Variants in TAF11 observed in about 807,000 individuals in gnomAD.
TAF11 encodes transcription initiation factor TFIID subunit 11.
Under a neutral mutation model 23.0 loss-of-function variants are expected in TAF11, and 10 were observed. The observed-to-expected ratio is 0.43, with a 90% CI of 0.27 to 0.74. The LOEUF (loss-of-function observed/expected upper bound fraction) is 0.74, where lower values mean the gene tolerates loss of function less well. Ranked by LOEUF, TAF11 falls within the 30% of genes least tolerant of loss-of-function variation. The pLI is 0.19. For synonymous variants in TAF11, 85 were observed against 95.8 expected (o/e 0.89, Z 0.66); for missense variants, 196 against 261.7 (o/e 0.75, Z 1.73).
At chr6:34,881,316 A>C (rs1035879471) in intron 2 of TAF11, among the ~76,000 whole-genome samples, 4 of 152,238 alleles carry the variant, frequency 2.6e-5, no homozygotes, top group African/African-American at 7.2e-5. Flanking sequence ...TTAGCTATAC[A>C]TATCAAACAT....
intron 2 of TAF11, 144 bp downstream of exon 2, chr6:34,882,788 A>G (rs1227344286): frequency 9.8e-7 from 1 of 1,023,124 alleles, no homozygotes; most frequent in African/African-American, 1.7e-5. Flanking sequence ...TACAGGCGTG[A>G]GCCACCATGC....
At position 34,880,410 on chromosome 6, in the gene TAF11, T is replaced by C. The variant is rs774922441; in HGVS notation, c.321-34A>G. The C allele has an allele frequency of 1.3e-5, 20 of 1,581,542 alleles. No individual in the cohort carries two copies. The South Asian group carries it at 1.9e-4, about 15-fold the overall frequency. On this transcript the variant is annotated intron_variant, in intron 2 of 4. Coordinates refer to ENST00000361288, the MANE Select transcript of TAF11 (RefSeq NM_005643.4). The surrounding 1 kb of genome is among the most constrained non-coding windows in gnomAD (Gnocchi z 4.8). ...AGATCCAGGTAACTAAGTTAACTTA[T>C]AAGAACGAATACTCAAGATATTATG...
At chr6:34,881,933 A>T (rs1211181138) in intron 2 of TAF11, among the ~76,000 whole-genome samples, 1 of 151,178 alleles carries the variant, frequency 6.6e-6, no homozygotes, top group Non-Finnish European at 1.5e-5. Flanking sequence ...CCTGACCTCA[A>T]GTGATCCACC....
At chr6:34,882,203 T>C (rs1228720450) in intron 2 of TAF11, among the ~76,000 whole-genome samples, 1 of 148,766 alleles carries the variant, frequency 6.7e-6, no homozygotes, top group East Asian at 2.0e-4. Context: ...CCAGGCATGG[T>C]GGCAGGAGCC....
intron 1 of TAF11, among the ~76,000 whole-genome samples, chr6:34,886,529 G>C (rs1766531111): frequency 6.6e-6 from 1 of 150,720 alleles, no homozygotes; most frequent in African/African-American, 2.4e-5. Flanking sequence ...GCAGTGGTGC[G>C]ATCTCGGCTC....
intron 1 of TAF11, among the ~76,000 whole-genome samples, chr6:34,885,442 A>C (rs1231609068): frequency 1.3e-5 from 2 of 152,106 alleles, no homozygotes; most frequent in Non-Finnish European, 2.9e-5. Flanking sequence ...GTGGGGGAGA[A>C]GCTTTTTGTA....
In TAF11 at chr6:34,878,450, C is replaced by G; in HGVS notation, c.*140G>C. 1 of 664,750 alleles carries G rather than the reference C, an allele frequency of 1.5e-6. No individual in the cohort carries two copies. The highest frequency in any genetic ancestry group is 2.7e-6 in the Non-Finnish European group (1 of 371,248). The allele number at this position is 664,750 out of a possible 1,614,324, so 41.2% of individuals were successfully genotyped here. ...CATACTTTCTAGGTGTGACAAATAT[C>G]AGAGTTTTGAGAAAGACATTAAAAT... On this transcript the variant is annotated 3_prime_UTR_variant, in exon 5 of 5. Transcript: ENST00000361288.
At chr6:34,882,725 C>G (rs758390433) in intron 2 of TAF11, among the ~76,000 whole-genome samples, 2 of 151,998 alleles carry the variant, frequency 1.3e-5, no homozygotes, top group Admixed American at 6.6e-5. Flanking sequence ...AGGCTGGTCT[C>G]AAACTTAGGC....
At chr6:34,882,603 C>T (rs1033292886) in intron 2 of TAF11, among the ~76,000 whole-genome samples, 3 of 151,848 alleles carry the variant, frequency 2.0e-5, no homozygotes, top group African/African-American at 7.3e-5. Context: ...GAGATCACAC[C>T]ATTGCACTCC....
At chr6:34,878,794 T>C in intron 4 of TAF11, 74 bp from the exon 5 acceptor site, 2 of 1,311,288 alleles carry the variant, frequency 1.5e-6, no homozygotes, top group South Asian at 2.5e-5. Context: ...TTGAGTCCTG[T>C]AATTCTTGTT....
intron 1 of TAF11, among the ~76,000 whole-genome samples, chr6:34,886,234 G>A (rs1766522319): frequency 1.3e-5 from 2 of 151,874 alleles, no homozygotes; most frequent in Non-Finnish European, 2.9e-5. Flanking sequence ...GAGCCCAGGA[G>A]GCAGAGACTG....
rs764685922 is a variant in TAF11 at position 34,880,255 on chromosome 6, G to C, written c.408+34C>G. 1 of 1,607,740 alleles carries C rather than the reference G, an allele frequency of 6.2e-7. No individual in the cohort carries two copies. Among genetic ancestry groups the C allele is most frequent in the Admixed American group, 1.7e-5 (1 of 59,828 alleles). ...TGGCTCTTGAGTTCAGTTCTAAAAC[G>C]TGATGGAGATGAAGTGTGGTGGTCC... On this transcript the variant is annotated intron_variant, in intron 3 of 4. Coordinates refer to ENST00000361288, the MANE Select transcript of TAF11 (RefSeq NM_005643.4). The surrounding 1 kb of genome is among the most constrained non-coding windows in gnomAD (Gnocchi z 4.8).
rs1766328518 is a variant in TAF11 at position 34,877,591 on chromosome 6, G to GGA, written c.*998_*999insTC. 6.6e-6 allele frequency: 1 copy of GGA among 152,278 alleles called. No homozygotes were observed. The highest frequency in any genetic ancestry group is 2.4e-5 in the African/African-American group (1 of 41,296). 9.4% of individuals were successfully genotyped at this position (152,278 alleles called of 1,614,324 possible). ...TGTTTATTTTCATCTCAGTCTTGGGGGGGGAATTATTACACTGTTTTTAAC... is the reference window on the plus strand; with the variant it reads ...TGTTTATTTTCATCTCAGTCTTGGGGGAGGGGAATTATTACACTGTTTTTAAC... On this transcript the variant is annotated 3_prime_UTR_variant, in exon 5 of 5. Transcript: ENST00000361288.
At chr6:34,884,150 A>T (rs1027132248) in intron 1 of TAF11, among the ~76,000 whole-genome samples, 1 of 152,254 alleles carries the variant, frequency 6.6e-6, no homozygotes, top group African/African-American at 2.4e-5. Context: ...AATAGCAAAG[A>T]CATGGAATCA....
chr6:34,878,527 C>T lies in TAF11; in HGVS notation c.*63G>A. ...ATACTAAAGCACCAATGCAGACAGT[C>T]TTATAGGAAGTCTGGAACCAATACT... On this transcript the variant is annotated 3_prime_UTR_variant, in exon 5 of 5. Transcript: ENST00000361288. 1.1e-6 allele frequency: 1 copy of T among 899,854 alleles called. No homozygotes were observed. 55.7% of individuals were successfully genotyped at this position (899,854 alleles called of 1,614,324 possible).
upstream of TAF11, chr6:34,888,053 G>A (rs1766576987): frequency 1.3e-6 from 2 of 1,545,826 alleles, no homozygotes; most frequent in Non-Finnish European, 1.7e-6. Context: ...ACTTCCTGTC[G>A]TCGCGCAGCG....
At position 34,880,566 on chromosome 6, in the gene TAF11, A is replaced by C; in HGVS notation, c.321-190T>G. 6.6e-6 allele frequency among the ~76,000 whole-genome samples: 1 copy of C among 152,154 alleles called. No homozygotes were observed. Among genetic ancestry groups the C allele is most frequent in the East Asian group, 1.9e-4 (1 of 5,196 alleles). On this transcript the variant is annotated intron_variant, in intron 2 of 4. Coordinates refer to ENST00000361288, the MANE Select transcript of TAF11 (RefSeq NM_005643.4). This position sits in a 1 kb window ranked among gnomAD's most constrained non-coding sequence, Gnocchi z 4.8. ...GAATTTGAGAAAACGTAAAACAAAAACTTCTTTTCTTACCTGTTAACAAAA... is the reference window on the plus strand; with the variant it reads ...GAATTTGAGAAAACGTAAAACAAAACCTTCTTTTCTTACCTGTTAACAAAA...
rs371115766 is a variant in TAF11 at position 34,887,963 on chromosome 6, A to G, written c.-6T>C. On this transcript the variant is annotated 5_prime_UTR_variant, in exon 1 of 5. Transcript: ENST00000361288. ...GACTCGTGGGCATCGTCCATCACGG[A>G]TAGGATTGGAGGGGAGAGGAGATCG... 5.6e-6 allele frequency: 9 copies of G among 1,613,980 alleles called. No homozygotes were observed. In the African/African-American group the frequency reaches 1.2e-4, roughly 22 times the overall value.
At chr6:34,885,006 T>A (rs1019221594) in intron 1 of TAF11, among the ~76,000 whole-genome samples, 1 of 152,122 alleles carries the variant, frequency 6.6e-6, no homozygotes, top group East Asian at 1.9e-4. Context: ...TGTTTTAATT[T>A]TATCATTTAT....
Sources: allele counts gnomAD v4.1 joint callset (sites outside exome capture counted in the v4.1 genomes callset), GRCh38; gene constraint gnomAD v4.1.1; non-coding constraint Gnocchi (gnomAD v3.1); transcripts MANE v1.5; gene names NCBI Gene and HGNC (gene_info 2026-07-23, HGNC 2026-07-21).